GALNT17: variants seen among roughly 807,000 people sequenced by gnomAD.
GALNT17 encodes the protein polypeptide N-acetylgalactosaminyltransferase 17.
Under a neutral mutation model 63.7 loss-of-function variants are expected in GALNT17, and 29 were observed. The observed-to-expected ratio is 0.46, with a 90% CI of 0.34 to 0.62. The LOEUF is 0.62. GALNT17 is among the 20% of genes least tolerant of loss of function. The pLI is 0.01. For missense variants in GALNT17, 603 were observed against 799.6 expected, an observed-to-expected ratio of 0.75 and a Z score of 2.97; for synonymous variants, 305 against 318.3, an observed-to-expected ratio of 0.96 and a Z score of 0.45.
chr7:71,170,362 G>T (rs1411138811), intron 1 of GALNT17, among the ~76,000 whole-genome samples: 1 of 151,866 alleles, frequency 6.6e-6, no homozygotes, highest in Non-Finnish European at 1.5e-5. Flanking sequence ...TTGAGACAGA[G>T]TCTCACTCTG....
In GALNT17 at chr7:71,684,026, A is replaced by C. The variant is rs934126173; in HGVS notation, c.1500+6720A>C. On this transcript the variant is annotated intron_variant, in intron 9 of 10. Coordinates refer to ENST00000333538, the MANE Select transcript of GALNT17 (RefSeq NM_022479.3). ...TCTGTCTCAAAAAAAAAAAAAAAAAACAAAAGAAACCATCAAGGATGCAGT... is the reference window on the plus strand; with the variant it reads ...TCTGTCTCAAAAAAAAAAAAAAAAACCAAAAGAAACCATCAAGGATGCAGT... 2.8e-5 allele frequency among the ~76,000 whole-genome samples: 4 copies of C among 141,370 alleles called. No homozygotes were observed. The South Asian group carries it at 6.9e-4, about 24-fold the overall frequency. 92.7% of individuals were successfully genotyped at this position (141,370 alleles called of 152,430 possible). A position where few individuals can be genotyped will look rare whatever the true frequency, so the allele number is the denominator to read the frequency against.
intron 2 of GALNT17, among the ~76,000 whole-genome samples, chr7:71,343,482 A>C (rs1272979698): frequency 1.3e-5 from 2 of 152,228 alleles, no homozygotes; most frequent in Non-Finnish European, 2.9e-5. Flanking sequence ...CATTTCAGGC[A>C]AATGAATTCC....
intron 2 of GALNT17, among the ~76,000 whole-genome samples, chr7:71,380,968 T>A (rs1303863729): frequency 6.1e-5 from 9 of 148,040 alleles, no homozygotes; most frequent in Non-Finnish European, 1.2e-4. Flanking sequence ...GGGTTTTTGT[T>A]TTTTTTTTTT....
chr7:71,425,480 C>A (rs1786743401), intron 5 of GALNT17, among the ~76,000 whole-genome samples: 1 of 152,154 alleles, frequency 6.6e-6, no homozygotes, highest in Admixed American at 6.5e-5. Flanking sequence ...TCTCAGCCTC[C>A]CAAAGTGCTA....
chr7:71,447,327 C>T (rs552479833), intron 5 of GALNT17, among the ~76,000 whole-genome samples: 53 of 152,226 alleles, frequency 3.5e-4, no homozygotes, highest in African/African-American at 1.2e-3. Context: ...GAAAACACTG[C>T]GTACTGTTAC....
chr7:71,256,030 A>G (rs572749258), intron 1 of GALNT17, among the ~76,000 whole-genome samples: 1 of 152,152 alleles, frequency 6.6e-6, no homozygotes, highest in Non-Finnish European at 1.5e-5. Flanking sequence ...TTTACAATCT[A>G]TTCTCCCTGA....
chr7:71,701,486 C>T (rs1164337958), intron 9 of GALNT17, among the ~76,000 whole-genome samples: 2 of 147,704 alleles, frequency 1.4e-5, no homozygotes, highest in East Asian at 2.0e-4. Flanking sequence ...GACTCTATCT[C>T]AAAAAAGAAA....
intron 3 of GALNT17, among the ~76,000 whole-genome samples, chr7:71,391,280 A>G (rs1793046090): frequency 6.6e-6 from 1 of 152,026 alleles, no homozygotes; most frequent in South Asian, 2.1e-4. Context: ...CCAATGGCGC[A>G]CCCTCTCCTG....
intron 5 of GALNT17, among the ~76,000 whole-genome samples, chr7:71,493,881 C>T (rs772482153): frequency 1.3e-5 from 2 of 152,154 alleles, no homozygotes; most frequent in African/African-American, 4.8e-5. Context: ...CTTTCTCTCT[C>T]TAATAAACAT....
intron 1 of GALNT17, among the ~76,000 whole-genome samples, chr7:71,240,339 A>G (rs1237146168): frequency 6.6e-6 from 1 of 152,178 alleles, no homozygotes; most frequent in Non-Finnish European, 1.5e-5. Flanking sequence ...GGTTTATTGC[A>G]TGATGCTGAG....
chr7:71,710,493 G>A (rs190401404), intron 9 of GALNT17, among the ~76,000 whole-genome samples: 1 of 152,312 alleles, frequency 6.6e-6, no homozygotes, highest in East Asian at 1.9e-4. Flanking sequence ...GGACAACAGA[G>A]TGAGACTCCA....
intron 3 of GALNT17, among the ~76,000 whole-genome samples, chr7:71,414,546 A>G (rs556589472): frequency 2.0e-5 from 3 of 152,196 alleles, no homozygotes; most frequent in African/African-American, 4.8e-5. Flanking sequence ...AACCTTGCCA[A>G]TCCCTACCCA....
At chr7:71,508,713 G>A (rs1015996646) in intron 5 of GALNT17, among the ~76,000 whole-genome samples, 2 of 152,032 alleles carry the variant, frequency 1.3e-5, no homozygotes, top group Non-Finnish European at 2.9e-5. Context: ...GGGGCCAAAG[G>A]GACCCTGGAG....
At chr7:71,452,472 G>A (rs1340008355) in intron 5 of GALNT17, among the ~76,000 whole-genome samples, 2 of 151,552 alleles carry the variant, frequency 1.3e-5, no homozygotes, top group South Asian at 2.1e-4. Context: ...GCTTGAACTT[G>A]GGAGGCGGAG....
intron 5 of GALNT17, among the ~76,000 whole-genome samples, chr7:71,438,967 C>T (rs1787017422): frequency 6.6e-6 from 1 of 151,730 alleles, no homozygotes; most frequent in African/African-American, 2.4e-5. Context: ...TCACTGTAGC[C>T]TTGACCTCCC....
chr7:71,152,678 G>A (rs1056383018), intron 1 of GALNT17, among the ~76,000 whole-genome samples: 5 of 152,032 alleles, frequency 3.3e-5, no homozygotes, highest in African/African-American at 1.2e-4. Context: ...TGTTGCCCAG[G>A]CTGGGGTGCA....
chr7:71,209,323 T>C (rs1313368604), intron 1 of GALNT17, among the ~76,000 whole-genome samples: 2 of 152,174 alleles, frequency 1.3e-5, no homozygotes, highest in East Asian at 3.8e-4. Context: ...TAGCAAATTC[T>C]ATGTGCTGGG....
intron 8 of GALNT17, among the ~76,000 whole-genome samples, chr7:71,673,967 T>C (rs1213756271): frequency 6.6e-6 from 1 of 152,196 alleles, no homozygotes; most frequent in African/African-American, 2.4e-5. Flanking sequence ...ACTGCACAAC[T>C]CCAGGAGCTG....
chr7:71,356,257 A>C (rs898710129), intron 2 of GALNT17, among the ~76,000 whole-genome samples: 1 of 152,200 alleles, frequency 6.6e-6, no homozygotes, highest in African/African-American at 2.4e-5. Context: ...AGATTTGCTT[A>C]CATTCATTAA....
Sources: allele counts gnomAD v4.1 joint callset (sites outside exome capture counted in the v4.1 genomes callset), GRCh38; gene constraint gnomAD v4.1.1; transcripts MANE v1.5; gene names NCBI Gene and HGNC (gene_info 2026-07-23, HGNC 2026-07-21).